SNX18: variants seen among roughly 807,000 people sequenced by gnomAD.
SNX18 encodes the protein sorting nexin 18.
Under a neutral mutation model 48.7 loss-of-function variants are expected in SNX18, and 35 were observed. That is an observed-to-expected ratio of 0.72 (90% CI 0.55 to 0.95). The LOEUF is 0.95. SNX18 is among the 40% of genes least tolerant of loss of function. The probability of loss-of-function intolerance (pLI) is 0.00; values close to 1 mark genes in which losing one functional copy is unlikely to be tolerated. For missense variants in SNX18, 824 were observed against 871.0 expected (o/e 0.95, Z 0.68); for synonymous variants, 492 against 384.7 (o/e 1.28, Z -3.26).
At chr5:54,622,358 G>C in the SNX18 span, among the ~76,000 whole-genome samples, 1 of 152,132 alleles carries the variant, frequency 6.6e-6, no homozygotes, top group South Asian at 2.1e-4. Context: ...AATTATCTGA[G>C]TGTGGTGGCA....
the SNX18 span, among the ~76,000 whole-genome samples, chr5:54,566,362 G>A: frequency 6.6e-6 from 1 of 152,194 alleles, no homozygotes; most frequent in African/African-American, 2.4e-5. Context: ...CTCCTAAGAT[G>A]TTGTGTGGAG....
At chr5:54,593,434 G>T in the SNX18 span, among the ~76,000 whole-genome samples, 4 of 152,306 alleles carry the variant, frequency 2.6e-5, no homozygotes, top group East Asian at 7.7e-4. Context: ...TAGATTGGAA[G>T]ATTGAAGATT....
At chr5:54,542,057 G>C (rs773245706) in intron 1 of SNX18, among the ~76,000 whole-genome samples, 3 of 152,130 alleles carry the variant, frequency 2.0e-5, no homozygotes, top group Admixed American at 1.3e-4. Context: ...TCTGTGTTCT[G>C]TCTTGCCTTT....
At chr5:54,589,965 A>G in the SNX18 span, among the ~76,000 whole-genome samples, 131 of 152,274 alleles carry the variant, frequency 8.6e-4, no homozygotes, top group Non-Finnish European at 1.5e-3. Context: ...AATTTTTAAA[A>G]TTCTTTGTGG....
At chr5:54,603,010 T>C in the SNX18 span, among the ~76,000 whole-genome samples, 4 of 152,116 alleles carry the variant, frequency 2.6e-5, no homozygotes, top group South Asian at 2.1e-4. Flanking sequence ...TGTAACCGAA[T>C]TGGGGGAGAA....
At chr5:54,585,522 G>C in the SNX18 span, among the ~76,000 whole-genome samples, 8 of 152,060 alleles carry the variant, frequency 5.3e-5, no homozygotes, top group Admixed American at 5.2e-4. Flanking sequence ...CTGCGATCTT[G>C]AATGAAGGGA....
At chr5:54,609,560 C>G in the SNX18 span, among the ~76,000 whole-genome samples, 1 of 152,002 alleles carries the variant, frequency 6.6e-6, no homozygotes, top group African/African-American at 2.4e-5. Flanking sequence ...CTCAAGTGAT[C>G]TCCCACCTCA....
At chr5:54,574,018 A>C in the SNX18 span, among the ~76,000 whole-genome samples, 1 of 152,204 alleles carries the variant, frequency 6.6e-6, no homozygotes, top group Non-Finnish European at 1.5e-5. Flanking sequence ...AAGCAATTGC[A>C]ATCATTTTCC....
chr5:54,558,827 C>G, the SNX18 span, among the ~76,000 whole-genome samples: 11,119 of 152,160 alleles, frequency 0.073, 587 homozygotes, highest in African/African-American at 0.13. Context: ...TGCCGAAATT[C>G]AGTGAGAGTC....
At chr5:54,527,364 G>GGGC (rs1676121437) in intron 1 of SNX18, among the ~76,000 whole-genome samples, 1 of 151,420 alleles carries the variant, frequency 6.6e-6, no homozygotes, top group Non-Finnish European at 1.5e-5. Context: ...GAGCCGGGGG[G>GGGC]GGGGGTCCCC....
At chr5:54,618,710 T>G in the SNX18 span, among the ~76,000 whole-genome samples, 1 of 152,186 alleles carries the variant, frequency 6.6e-6, no homozygotes, top group Non-Finnish European at 1.5e-5. Context: ...GAACCCCAAA[T>G]GTTTAAACTT....
chr5:54,550,505 GA>G (rs1762634033), downstream of SNX18, among the ~76,000 whole-genome samples: 1 of 152,040 alleles, frequency 6.6e-6, no homozygotes, highest in African/African-American at 2.4e-5. Flanking sequence ...AAAATTAAAT[GA>G]AAAAAAGAGG....
the SNX18 span, among the ~76,000 whole-genome samples, chr5:54,619,784 A>C: frequency 1.4e-4 from 22 of 152,254 alleles, no homozygotes; most frequent in African/African-American, 5.3e-4. Flanking sequence ...TGGTATTTAA[A>C]AGGGAAAGAG....
At chr5:54,580,783 A>G in the SNX18 span, among the ~76,000 whole-genome samples, 1 of 152,260 alleles carries the variant, frequency 6.6e-6, no homozygotes, top group Non-Finnish European at 1.5e-5. Flanking sequence ...CAAGGAACTC[A>G]TAAACAGAGG....
Position 54,529,835 on chromosome 5 carries a change from T to C in SNX18, c.1621+10262T>C, listed in dbSNP as rs150919717. Among the ~76,000 whole-genome samples, 1,230 of 152,330 alleles carry C rather than the reference T, an allele frequency of 8.1e-3. 11 individuals are homozygous for C. Among genetic ancestry groups the C allele is most frequent in the South Asian group, 0.011 (55 of 4,832 alleles). ...TGGAGTAACTATGTTATTAATACAA[T>C]AGCTGATAATGCTGAAAAATATTTT... On this transcript the variant is annotated intron_variant, in intron 1 of 1. Transcript: ENST00000381410.
At chr5:54,532,319 C>CTTTTTTTTTTTT (rs57856245) in intron 1 of SNX18, among the ~76,000 whole-genome samples, 1 of 130,992 alleles carries the variant, frequency 7.6e-6, no homozygotes. Flanking sequence ...TTTTTTTTTT[C>CTTTTTTTTTTTT]TTTTTTTTTT....
the SNX18 span, among the ~76,000 whole-genome samples, chr5:54,559,063 G>C: frequency 6.6e-6 from 1 of 151,810 alleles, no homozygotes; most frequent in South Asian, 2.1e-4. Flanking sequence ...ACACTGAAAA[G>C]AAATCAGAGA....
chr5:54,531,658 G>A (rs2241404), intron 1 of SNX18, among the ~76,000 whole-genome samples: 67,757 of 151,982 alleles, frequency 0.45, 15,163 homozygotes, highest in Middle Eastern at 0.54. Flanking sequence ...AAGGATGTCC[G>A]GATGTGGTCA....
At chr5:54,521,904 C>T (rs1762039942) in intron 1 of SNX18, among the ~76,000 whole-genome samples, 1 of 152,044 alleles carries the variant, frequency 6.6e-6, no homozygotes, top group South Asian at 2.1e-4. Context: ...CTGGATTTGT[C>T]TCTAGTCACT....
Sources: gnomAD v4.1 joint callset for allele counts (sites outside exome capture counted in the v4.1 genomes callset) on GRCh38, gnomAD v4.1.1 for gene constraint, MANE v1.5 for transcripts, NCBI Gene and HGNC (gene_info 2026-07-23, HGNC 2026-07-21) for gene names.